ZCCHC14: variants seen among roughly 807,000 people sequenced by gnomAD.
ZCCHC14 encodes zinc finger CCHC domain-containing protein 14.
Under a neutral mutation model 85.0 loss-of-function variants are expected in ZCCHC14, and 16 were observed. The ratio of observed to expected loss-of-function variants is 0.19; its 90% CI spans 0.13 to 0.29. The LOEUF (loss-of-function observed/expected upper bound fraction) is 0.29, where lower values mean the gene tolerates loss of function less well. Ranked by LOEUF, ZCCHC14 falls within the 10% of genes least tolerant of loss-of-function variation. The pLI, the probability that ZCCHC14 is intolerant of heterozygous loss-of-function variation, is 1.00. For missense variants in ZCCHC14, 1,303 were observed against 1,443.5 expected, an observed-to-expected ratio of 0.90 and a Z score of 1.58; for synonymous variants, 775 against 630.7, an observed-to-expected ratio of 1.23 and a Z score of -3.43.
chr16:87,477,458 T>C (rs1352826515), intron 1 of ZCCHC14, among the ~76,000 whole-genome samples: 1 of 152,228 alleles, frequency 6.6e-6, no homozygotes, highest in East Asian at 1.9e-4. Context: ...TCACACTCCC[T>C]ACTTCTACCA....
intron 10 of ZCCHC14, among the ~76,000 whole-genome samples, chr16:87,413,527 G>A (rs544087368): frequency 1.3e-5 from 2 of 151,778 alleles, no homozygotes; most frequent in Admixed American, 6.6e-5. Context: ...GCCGAGTCAC[G>A]GAGATCTTTT....
At chr16:87,428,542 G>C (rs1469521598) in intron 3 of ZCCHC14, among the ~76,000 whole-genome samples, 1 of 152,176 alleles carries the variant, frequency 6.6e-6, no homozygotes, top group Non-Finnish European at 1.5e-5. Flanking sequence ...GAATCTTCAA[G>C]TATTTTTTTT....
chr16:87,463,923 G>A (rs1404233187), intron 1 of ZCCHC14, among the ~76,000 whole-genome samples: 1 of 152,162 alleles, frequency 6.6e-6, no homozygotes, highest in Non-Finnish European at 1.5e-5. Context: ...GGGCTCAAGT[G>A]ATCCTTCCAC....
chr16:87,481,233 A>T (rs1912253401), intron 1 of ZCCHC14, among the ~76,000 whole-genome samples: 1 of 152,140 alleles, frequency 6.6e-6, no homozygotes, highest in Admixed American at 6.5e-5. Flanking sequence ...TGTTATTTCT[A>T]AAAAGAGTTA....
At chr16:87,478,375 T>C (rs1005639455) in intron 1 of ZCCHC14, among the ~76,000 whole-genome samples, 5 of 151,926 alleles carry the variant, frequency 3.3e-5, no homozygotes, top group Admixed American at 6.6e-5. Context: ...TGGAAAACAA[T>C]AGAAAAAAGG....
chr16:87,474,069 A>G (rs564176186), intron 1 of ZCCHC14: 2 of 152,354 alleles, frequency 1.3e-5, no homozygotes, highest in East Asian at 3.9e-4. Flanking sequence ...TTTAGGCCAA[A>G]AAGTTTCAGA....
chr16:87,464,758 G>GT (rs2150763458), intron 1 of ZCCHC14, among the ~76,000 whole-genome samples: 1 of 152,270 alleles, frequency 6.6e-6, no homozygotes, highest in Admixed American at 6.5e-5. Flanking sequence ...TGTTTACATT[G>GT]AAAGCTGTCT....
At chr16:87,490,224 G>A (rs913852123) in intron 1 of ZCCHC14, among the ~76,000 whole-genome samples, 10 of 152,248 alleles carry the variant, frequency 6.6e-5, no homozygotes, top group African/African-American at 2.2e-4. Context: ...CACAATCTAC[G>A]ATTGAAAGAC....
intron 1 of ZCCHC14, chr16:87,472,083 G>A (rs773298210): frequency 6.6e-6 from 1 of 152,276 alleles, no homozygotes; most frequent in Non-Finnish European, 1.5e-5. Flanking sequence ...GCACAGACAA[G>A]TGCAAGTGTC....
intron 2 of ZCCHC14, among the ~76,000 whole-genome samples, chr16:87,449,528 G>A (rs946730016): frequency 6.6e-6 from 1 of 152,028 alleles, no homozygotes; most frequent in Non-Finnish European, 1.5e-5. Context: ...CACCAAGAGA[G>A]CAAACCCCAA....
chr16:87,468,229 G>C (rs1188190100), intron 1 of ZCCHC14, among the ~76,000 whole-genome samples: 1 of 152,160 alleles, frequency 6.6e-6, no homozygotes, highest in East Asian at 1.9e-4. Flanking sequence ...GGTGACATCT[G>C]TACGTAACCA....
At position 87,414,445 on chromosome 16, in the gene ZCCHC14, G is replaced by A. The variant is rs770768449; in HGVS notation, c.1572C>T (p.Pro524=). 42 of 1,613,240 alleles carry A rather than the reference G, an allele frequency of 2.6e-5. No individual in the cohort carries two copies. The highest frequency in any genetic ancestry group is 3.0e-5 in the Non-Finnish European group (35 of 1,179,968). The change falls in exon 10 of 13, where the codon CCC becomes CCT. Residue 524 remains proline (P), a synonymous_variant. Coordinates refer to ENST00000671377, the MANE Select transcript of ZCCHC14 (RefSeq NM_015144.3). Reference sequence around the variant, plus strand: ...CATGGCTGCCCCGCCCCGACTGCACGGGCCCGACGTGGCTGGTGGGGGGCA... The same window carrying A: ...CATGGCTGCCCCGCCCCGACTGCACAGGCCCGACGTGGCTGGTGGGGGGCA... ...ARVPPTSHVG[P]VQSGRGSHAA...
At chr16:87,449,807 G>C (rs1217037567) in intron 2 of ZCCHC14, among the ~76,000 whole-genome samples, 3 of 152,334 alleles carry the variant, frequency 2.0e-5, no homozygotes, top group African/African-American at 7.2e-5. Flanking sequence ...CACTTTGGGA[G>C]GCCGAGGTGG....
At chr16:87,451,820 T>C (rs1465605091) in intron 2 of ZCCHC14, among the ~76,000 whole-genome samples, 10 of 152,208 alleles carry the variant, frequency 6.6e-5, no homozygotes, top group Non-Finnish European at 1.2e-4. Context: ...GCTCCCTGGC[T>C]GGTGACACCA....
In ZCCHC14 at chr16:87,408,705, T is replaced by G. The variant is rs1908308818; in HGVS notation, c.*1575A>C. Reference sequence around the variant, plus strand: ...AAAAAAAATGTAACAACTTTCTGCTTTAGTTTCTATGAAGTTAGGAACTGC... The same window carrying G: ...AAAAAAAATGTAACAACTTTCTGCTGTAGTTTCTATGAAGTTAGGAACTGC... On this transcript the variant is annotated 3_prime_UTR_variant, in exon 13 of 13. Transcript: ENST00000671377. The G allele has an allele frequency of 6.6e-6, 1 of 152,460 alleles. No individual in the cohort carries two copies. The highest frequency in any genetic ancestry group is 1.5e-5 in the Non-Finnish European group (1 of 68,052). The allele number at this position is 152,460 out of a possible 1,614,324, so 9.4% of individuals were successfully genotyped here.
At chr16:87,421,258 T>C (rs1909080848) in intron 4 of ZCCHC14, among the ~76,000 whole-genome samples, 1 of 152,166 alleles carries the variant, frequency 6.6e-6, no homozygotes, top group Admixed American at 6.5e-5. Flanking sequence ...GGGACCACTC[T>C]CTGGATCTGA....
intron 1 of ZCCHC14, among the ~76,000 whole-genome samples, chr16:87,464,341 T>C (rs1432708652): frequency 6.6e-6 from 1 of 152,212 alleles, no homozygotes; most frequent in Non-Finnish European, 1.5e-5. Context: ...GGGGCTTCTT[T>C]TGTTTTGTGC....
In ZCCHC14 at chr16:87,408,283, G is replaced by A. The variant is rs1282055363; in HGVS notation, c.*1997C>T. 1 of 152,368 alleles carries A rather than the reference G, an allele frequency of 6.6e-6. No individual in the cohort carries two copies. The highest frequency in any genetic ancestry group is 1.5e-5 in the Non-Finnish European group (1 of 68,016). The allele number at this position is 152,368 out of a possible 1,614,324, so 9.4% of individuals were successfully genotyped here. On this transcript the variant is annotated 3_prime_UTR_variant, in exon 13 of 13. Coordinates refer to ENST00000671377, the MANE Select transcript of ZCCHC14 (RefSeq NM_015144.3). ...TTTCAACAATTTCAGTGTTGAAATAGGATTTATTTAAAATATTTCTTTGCT... is the reference window on the plus strand; with the variant it reads ...TTTCAACAATTTCAGTGTTGAAATAAGATTTATTTAAAATATTTCTTTGCT...
At chr16:87,431,264 G>C (rs1212645151) in intron 3 of ZCCHC14, among the ~76,000 whole-genome samples, 4 of 152,020 alleles carry the variant, frequency 2.6e-5, no homozygotes, top group African/African-American at 9.7e-5. Flanking sequence ...AGGAGGTCAG[G>C]ACATTGAGAC....
Sources: gnomAD v4.1 joint callset for allele counts (sites outside exome capture counted in the v4.1 genomes callset) on GRCh38, gnomAD v4.1.1 for gene constraint, MANE v1.5 for transcripts, NCBI Gene and HGNC (gene_info 2026-07-23, HGNC 2026-07-21) for gene names.